Variants in CACNA2D3 observed in about 807,000 individuals in gnomAD.
CACNA2D3 encodes the protein calcium voltage-gated channel auxiliary subunit alpha2delta 3.
A neutral mutation model predicts 160.6 loss-of-function variants in CACNA2D3; 60 were observed. The ratio of observed to expected loss-of-function variants is 0.37; its 90% CI spans 0.30 to 0.46. The LOEUF (loss-of-function observed/expected upper bound fraction) is 0.46, where lower values mean the gene tolerates loss of function less well. Among genes scored for constraint, CACNA2D3 ranks in the 20% least tolerant of loss-of-function variants. The pLI, the probability that CACNA2D3 is intolerant of heterozygous loss-of-function variation, is 1.00. For missense variants in CACNA2D3, 1,205 were observed against 1,365.0 expected, an observed-to-expected ratio of 0.88 and a Z score of 1.85; for synonymous variants, 558 against 492.9, an observed-to-expected ratio of 1.13 and a Z score of -1.75.
intron 35 of CACNA2D3, among the ~76,000 whole-genome samples, chr3:55,066,231 C>T (rs1704633378): frequency 6.6e-6 from 1 of 152,198 alleles, no homozygotes; most frequent in South Asian, 2.1e-4. Flanking sequence ...ACACTGTGAA[C>T]AGGGCCAGTG....
chr3:54,503,806 G>A (rs1342618481), intron 5 of CACNA2D3, among the ~76,000 whole-genome samples, 152 bp downstream of exon 5: 1 of 152,186 alleles, frequency 6.6e-6, no homozygotes, highest in Non-Finnish European at 1.5e-5. Flanking sequence ...AACTGGATAG[G>A]TGAAGCATGT....
chr3:54,686,610 G>A (rs917189793), intron 11 of CACNA2D3, among the ~76,000 whole-genome samples: 19 of 152,134 alleles, frequency 1.2e-4, no homozygotes, highest in Non-Finnish European at 2.1e-4. Flanking sequence ...GGTACCCTTT[G>A]GTATGCAGCA....
intron 5 of CACNA2D3, among the ~76,000 whole-genome samples, chr3:54,537,380 C>T (rs1186277494): frequency 2.6e-5 from 4 of 152,068 alleles, no homozygotes; most frequent in Non-Finnish European, 4.4e-5. Context: ...TTCAAACACA[C>T]GTACCCCGTC....
intron 11 of CACNA2D3, among the ~76,000 whole-genome samples, chr3:54,678,290 A>G (rs1700278503): frequency 6.6e-6 from 1 of 152,204 alleles, no homozygotes; most frequent in Non-Finnish European, 1.5e-5. Flanking sequence ...GTATGATTTG[A>G]GGTCTGCTGT....
intron 13 of CACNA2D3, among the ~76,000 whole-genome samples, chr3:54,807,721 C>T (rs1345287932): frequency 6.6e-6 from 1 of 151,898 alleles, no homozygotes; most frequent in Non-Finnish European, 1.5e-5. Context: ...ACCCAAAGGA[C>T]TATAAATCAT....
intron 2 of CACNA2D3, among the ~76,000 whole-genome samples, chr3:54,307,578 A>G (rs55759721): frequency 0.1 from 15,603 of 152,252 alleles, 923 homozygotes; most frequent in South Asian, 0.14. Context: ...CTCTTCCCCA[A>G]TGAAAAGCTA....
In CACNA2D3 at chr3:54,642,113, T is replaced by C. The variant is rs756576040; in HGVS notation, c.1054-15T>C. Reference sequence around the variant, plus strand: ...TCTGATATGTATACTATTTTGAACTTATTTCTTTCCCTAGTTCAACCACAC... The same window carrying C: ...TCTGATATGTATACTATTTTGAACTCATTTCTTTCCCTAGTTCAACCACAC... On this transcript the variant is annotated splice_polypyrimidine_tract_variant and intron_variant, in intron 10 of 37. Coordinates refer to ENST00000474759, the MANE Select transcript of CACNA2D3 (RefSeq NM_018398.3). 6.4e-7 allele frequency: 1 copy of C among 1,557,448 alleles called. No individual in the cohort carries two copies. Among genetic ancestry groups the C allele is most frequent in the Non-Finnish European group, 8.8e-7 (1 of 1,134,518 alleles).
At chr3:54,678,611 C>G (rs2106910071) in intron 11 of CACNA2D3, among the ~76,000 whole-genome samples, 1 of 149,084 alleles carries the variant, frequency 6.7e-6, no homozygotes, top group African/African-American at 2.5e-5. Context: ...GTCCCAGCCA[C>G]TTGGGAGGCT....
At chr3:54,899,647 A>G in intron 26 of CACNA2D3, 141 bp from the exon 27 acceptor site, 1 of 621,448 alleles carries the variant, frequency 1.6e-6, no homozygotes, top group Non-Finnish European at 2.8e-6. Flanking sequence ...CAGAGCATCC[A>G]CACCTCAGAG....
intron 27 of CACNA2D3, among the ~76,000 whole-genome samples, chr3:54,926,901 T>G (rs1701038979): frequency 6.6e-6 from 1 of 152,028 alleles, no homozygotes; most frequent in Admixed American, 6.5e-5. Context: ...AGAGAGGAGA[T>G]TAAGTTCACA....
chr3:54,516,699 C>T (rs1701556663), intron 5 of CACNA2D3, among the ~76,000 whole-genome samples: 1 of 152,158 alleles, frequency 6.6e-6, no homozygotes. Flanking sequence ...CGGTTGAGTC[C>T]ACGCGACCAC....
intron 35 of CACNA2D3, among the ~76,000 whole-genome samples, chr3:55,033,872 T>TTAATTAATATA (rs2107181080): frequency 7.9e-6 from 1 of 127,010 alleles, no homozygotes; most frequent in African/African-American, 2.9e-5. Context: ...TAATATATAA[T>TTAATTAATATA]ATATATTACA....
At chr3:54,621,996 C>T (rs963416580) in intron 9 of CACNA2D3, among the ~76,000 whole-genome samples, 3 of 152,068 alleles carry the variant, frequency 2.0e-5, no homozygotes, top group African/African-American at 7.2e-5. Context: ...CCCAGTACCA[C>T]CAAGTATCAG....
chr3:54,193,316 C>CA (rs1701015841), intron 2 of CACNA2D3, among the ~76,000 whole-genome samples: 1 of 152,186 alleles, frequency 6.6e-6, no homozygotes, highest in Non-Finnish European at 1.5e-5. Flanking sequence ...ACCAATTACT[C>CA]AGTAAACAAA....
intron 27 of CACNA2D3, among the ~76,000 whole-genome samples, chr3:54,900,460 GT>G (rs1700301407): frequency 6.6e-6 from 1 of 152,220 alleles, no homozygotes; most frequent in South Asian, 2.1e-4. Flanking sequence ...GTCAGCAGCT[GT>G]CTGTGGATGG....
chr3:54,952,373 G>A (rs1250717839), intron 27 of CACNA2D3, among the ~76,000 whole-genome samples: 7 of 152,120 alleles, frequency 4.6e-5, no homozygotes, highest in Admixed American at 3.9e-4. Context: ...GAGGGAGGCC[G>A]CAAACATGAA....
chr3:54,586,003 G>A (rs1455295713), intron 9 of CACNA2D3, among the ~76,000 whole-genome samples: 1 of 152,060 alleles, frequency 6.6e-6, no homozygotes, highest in African/African-American at 2.4e-5. Context: ...AGTGGTTCAT[G>A]CCTGTAATCC....
At position 54,779,572 on chromosome 3, in the gene CACNA2D3, G is replaced by A. The variant is rs574445334; in HGVS notation, c.1380+15221G>A. Among the ~76,000 whole-genome samples, 9 of 152,250 alleles carry A rather than the reference G, an allele frequency of 5.9e-5. 1 individual carries two copies. In the South Asian group the frequency reaches 1.2e-3, roughly 21 times the overall value. Reference sequence around the variant, plus strand: ...GGTCAATAGTGCCTCACCATCGCTGGCCATTCTCCCTCACTCTCAGAACAT... The same window carrying A: ...GGTCAATAGTGCCTCACCATCGCTGACCATTCTCCCTCACTCTCAGAACAT... On this transcript the variant is annotated intron_variant, in intron 13 of 37. Transcript: ENST00000474759.
intron 3 of CACNA2D3, among the ~76,000 whole-genome samples, chr3:54,361,181 G>C (rs1292343301): frequency 6.6e-6 from 1 of 151,582 alleles, no homozygotes; most frequent in South Asian, 2.1e-4. Context: ...GGAAGGTTAA[G>C]TACCAAGCAA....
Sources: gnomAD v4.1 joint callset for allele counts (sites outside exome capture counted in the v4.1 genomes callset) on GRCh38, gnomAD v4.1.1 for gene constraint, MANE v1.5 for transcripts, NCBI Gene and HGNC (gene_info 2026-07-23, HGNC 2026-07-21) for gene names.